The following KIF26A variants were observed in gnomAD, a reference collection of about 807,000 sequenced individuals.
KIF26A encodes the protein kinesin family member 26A.
In KIF26A, 74 loss-of-function variants were observed where a neutral mutation model predicts 126.0. The ratio of observed to expected loss-of-function variants is 0.59; its 90% CI spans 0.49 to 0.71. The LOEUF is 0.71. Among genes scored for constraint, KIF26A ranks in the 30% least tolerant of loss-of-function variants. The probability of loss-of-function intolerance (pLI) is 0.00; values close to 1 mark genes in which losing one functional copy is unlikely to be tolerated. For missense variants in KIF26A, 2,984 were observed against 2,763.3 expected, an observed-to-expected ratio of 1.08 and a Z score of -1.79; for synonymous variants, 1,445 against 1,232.7, an observed-to-expected ratio of 1.17 and a Z score of -3.61.
intron 2 of KIF26A, among the ~76,000 whole-genome samples, chr14:104,139,513 GGGCCTGGGCT>G (rs1218678281): frequency 2.0e-5 from 3 of 152,224 alleles, no homozygotes; most frequent in Non-Finnish European, 4.4e-5. Flanking sequence ...CGGATGGGAG[GGGCCTGGGCT>G]GGCGTTCCTC....
At chr14:104,145,860 C>G (rs2037676157) in intron 2 of KIF26A, among the ~76,000 whole-genome samples, 1 of 152,218 alleles carries the variant, frequency 6.6e-6, no homozygotes, top group South Asian at 2.1e-4. Flanking sequence ...GTCCCTAGGG[C>G]CCCCTCTCCC....
rs768492578 is a variant in KIF26A, at chr14:104,173,352, G to A, written c.1706G>A (p.Arg569Gln). The A allele has an allele frequency of 7.5e-6, 12 of 1,602,900 alleles. No homozygotes were observed. The highest frequency in any genetic ancestry group is 3.4e-5 in the Admixed American group (2 of 58,666). The change falls in exon 9 of 15, where the codon CGG (arginine) becomes CAG (glutamine). Residue 569 changes from arginine to glutamine, a missense_variant. Transcript: ENST00000423312. The stretch of plus-strand genomic sequence containing the variant: ...CAGCTCCAGAACCAAAGCGAGCTGC[G>A]GGCACCCACGGCCGAGAAGGCGGCT... ...GAQLQNQSEL[R>Q]APTAEKAAFY...
chr14:104,143,403 G>A lies in KIF26A; in HGVS notation c.288+4115G>A, dbSNP rs564376115. 1.7e-4 allele frequency among the ~76,000 whole-genome samples: 26 copies of A among 152,352 alleles called. 1 individual carries two copies. The South Asian group carries it at 5.4e-3, about 32-fold the overall frequency. ...TGGCGAGTCCTGTTTCTCCTTGGAC[G>A]CTGCTCATGGGCTTCTGTTTGCTTC... is the stretch of plus-strand genomic sequence containing the variant. On this transcript the variant is annotated intron_variant, in intron 2 of 14. Coordinates refer to ENST00000423312, the MANE Select transcript of KIF26A (RefSeq NM_015656.2).
At position 104,152,245 on chromosome 14, in the gene KIF26A, GCCAGGA is replaced by G; in HGVS notation, c.524_529del (p.Gly175_Pro176del). 6.3e-7 allele frequency: 1 copy of G among 1,595,978 alleles called. No individual in the cohort carries two copies. The highest frequency in any genetic ancestry group is 8.5e-7 in the Non-Finnish European group (1 of 1,173,506). On this transcript the variant is annotated inframe_deletion, in exon 3 of 15. Coordinates refer to ENST00000423312, the MANE Select transcript of KIF26A (RefSeq NM_015656.2). This position sits in a 1 kb window ranked among gnomAD's most constrained non-coding sequence, Gnocchi z 5.9. ...GCACCACGACCAGCTCGAGGGACAC[GCCAGGA>G]CCAGCGGGTCCTGCAGGGAGGCAGC...
At chr14:104,146,685 A>G (rs1010906520) in intron 2 of KIF26A, among the ~76,000 whole-genome samples, 9 of 152,118 alleles carry the variant, frequency 5.9e-5, no homozygotes, top group Non-Finnish European at 7.4e-5. Flanking sequence ...GGGCCCTGGG[A>G]AGGTGCAGTC....
chr14:104,142,691 C>T (rs990716704), intron 2 of KIF26A, among the ~76,000 whole-genome samples: 3 of 152,198 alleles, frequency 2.0e-5, no homozygotes, highest in Non-Finnish European at 2.9e-5. Context: ...AGGCCCCCCT[C>T]GCTTCCCCAT....
intron 4 of KIF26A, among the ~76,000 whole-genome samples, chr14:104,160,794 C>T (rs982355368): frequency 6.6e-6 from 1 of 152,226 alleles, no homozygotes; most frequent in African/African-American, 2.4e-5. Context: ...CTGCTCGCTG[C>T]CATGCTGGTA....
chr14:104,144,307 T>C (rs2037662313), intron 2 of KIF26A, among the ~76,000 whole-genome samples: 1 of 152,050 alleles, frequency 6.6e-6, no homozygotes, highest in Non-Finnish European at 1.5e-5. Context: ...ACAAGCTTTA[T>C]GTCGGGGCAG....
intron 4 of KIF26A, among the ~76,000 whole-genome samples, chr14:104,164,883 G>A (rs1317523371): frequency 6.8e-6 from 1 of 147,158 alleles, no homozygotes; most frequent in Non-Finnish European, 1.5e-5. Context: ...GTGTCTCTCT[G>A]TATATGTGTC....
intron 4 of KIF26A, among the ~76,000 whole-genome samples, chr14:104,162,332 C>T (rs1448222448): frequency 1.3e-5 from 2 of 152,160 alleles, no homozygotes; most frequent in Admixed American, 6.5e-5. Flanking sequence ...CCACAGAGGA[C>T]GCCCGGTCCC....
chr14:104,165,195 GTGTGTGTC>G (rs1200128265), intron 4 of KIF26A, among the ~76,000 whole-genome samples: 1 of 132,532 alleles, frequency 7.5e-6, no homozygotes, highest in African/African-American at 3.3e-5. Context: ...CTGTATGCAT[GTGTGTGTC>G]TGTGTCTCTG....
Position 104,151,357 on chromosome 14 carries a change from C to T in KIF26A, c.289-658C>T, listed in dbSNP as rs1002063121. Reference sequence around the variant, plus strand: ...ACCAAACAGGGTGCATCCCAGCGTACAGCTCAGACCTGGGTGGGGGAGCTG... The same window carrying T: ...ACCAAACAGGGTGCATCCCAGCGTATAGCTCAGACCTGGGTGGGGGAGCTG... On this transcript the variant is annotated intron_variant, in intron 2 of 14. Transcript: ENST00000423312. The surrounding 1 kb of genome is among the most constrained non-coding windows in gnomAD (Gnocchi z 4.9). Among the ~76,000 whole-genome samples the T allele has an allele frequency of 2.0e-5, 3 of 151,868 alleles. No individual in the cohort carries two copies. Among genetic ancestry groups the T allele is most frequent in the Admixed American group, 6.5e-5 (1 of 15,274 alleles).
At chr14:104,171,531 T>A (rs2037956645) in intron 5 of KIF26A, among the ~76,000 whole-genome samples, 192 bp from the exon 6 acceptor site, 1 of 152,212 alleles carries the variant, frequency 6.6e-6, no homozygotes, top group Admixed American at 6.5e-5. Flanking sequence ...CCTCACCTTC[T>A]CCCTGCTCTG....
Position 104,178,641 on chromosome 14 carries a change from G to GC in KIF26A, c.5207dup (p.Pro1737AlafsTer19), listed in dbSNP as rs1221380161. 6.4e-7 allele frequency: 1 copy of GC among 1,551,040 alleles called. No homozygotes were observed. Among genetic ancestry groups the GC allele is most frequent in the Middle Eastern group, 1.9e-4 (1 of 5,304 alleles). On this transcript the variant is annotated frameshift_variant, in exon 13 of 15. Transcript: ENST00000423312. LOFTEE classifies it high-confidence loss of function. The stretch of plus-strand genomic sequence containing the variant: ...GCCTCCCCGGGCAGTGGGTGGACCT[G>GC]CCCCCGCCCCTGGCTGGCTCCCTGA...
At chr14:104,146,772 A>G (rs2037684111) in intron 2 of KIF26A, among the ~76,000 whole-genome samples, 1 of 152,108 alleles carries the variant, frequency 6.6e-6, no homozygotes. Flanking sequence ...AGGGTCTCCA[A>G]GGGGTGGGCA....
At position 104,151,744 on chromosome 14, in the gene KIF26A, G is replaced by A. The variant is rs1193169680; in HGVS notation, c.289-271G>A. ...CCGGTTGTCCGGGAGCCGCAAACCTGCCTTGTTAGCCGCAGGCCGGGGCGC... is the reference window on the plus strand; with the variant it reads ...CCGGTTGTCCGGGAGCCGCAAACCTACCTTGTTAGCCGCAGGCCGGGGCGC... On this transcript the variant is annotated intron_variant, in intron 2 of 14. Transcript: ENST00000423312. This position sits in a 1 kb window ranked among gnomAD's most constrained non-coding sequence, Gnocchi z 4.9. Among the ~76,000 whole-genome samples the A allele has an allele frequency of 2.0e-5, 3 of 152,252 alleles. No homozygotes were observed. The highest frequency in any genetic ancestry group is 4.4e-5 in the Non-Finnish European group (3 of 68,048).
Position 104,175,006 on chromosome 14 carries a change from G to A in KIF26A, c.2218G>A (p.Glu740Lys), listed in dbSNP as rs1482671387. The A allele has an allele frequency of 8.4e-6, 13 of 1,551,616 alleles. No homozygotes were observed. Among genetic ancestry groups the A allele is most frequent in the Non-Finnish European group, 1.1e-5 (13 of 1,152,280 alleles). The change falls in exon 12 of 15, where the codon GAG becomes AAG. Residue 740 changes from glutamate (E) to lysine (K), a missense_variant. Coordinates refer to ENST00000423312, the MANE Select transcript of KIF26A (RefSeq NM_015656.2). ...GTACGCCTCCAGCTCCTCTGGCGGG[G>A]AGAGCTCCTGTGAGGAAGGCCGGGC... The part of the protein sequence containing the change: ...AKYASSSSGG[E>K]SSCEEGRARR...
rs749716050 is a variant in KIF26A at position 104,176,605 on chromosome 14, G to A, written c.3817G>A (p.Ala1273Thr). Residue 1273 changes from alanine to threonine, a missense_variant, in exon 12 of 15, where the codon GCC (alanine) becomes ACC (threonine). Transcript: ENST00000423312. ...ACTTGGCTCCCCCCGGCTGCCTGAGGCCCAGGTGATGCTAGCCTGTGCCCA... is the reference window on the plus strand; with the variant it reads ...ACTTGGCTCCCCCCGGCTGCCTGAGACCCAGGTGATGCTAGCCTGTGCCCA... ...PTLGSPRLPE[A>T]QVMLACAQRV... 1 of 1,609,120 alleles carries A rather than the reference G, an allele frequency of 6.2e-7. No individual in the cohort carries two copies. Among genetic ancestry groups the A allele is most frequent in the Non-Finnish European group, 8.5e-7 (1 of 1,179,558 alleles).
chr14:104,179,587 TC>T, intron 14 of KIF26A, 21 bp from the exon 15 acceptor site: 1 of 1,489,192 alleles, frequency 6.7e-7, no homozygotes, highest in Non-Finnish European at 9.0e-7. Context: ...CAGGTGCCCC[TC>T]CCCTCTCCTC....
Sources: allele counts gnomAD v4.1 joint callset (sites outside exome capture counted in the v4.1 genomes callset), GRCh38; gene constraint gnomAD v4.1.1; non-coding constraint Gnocchi (gnomAD v3.1); transcripts MANE v1.5; gene names NCBI Gene and HGNC (gene_info 2026-07-23, HGNC 2026-07-21).